The following COL6A6 variants were observed in gnomAD, a reference collection of about 807,000 sequenced individuals.
COL6A6 encodes collagen type VI alpha 6 chain.
COL6A6 carries 183 observed loss-of-function variants against 208.6 expected under a neutral mutation model. The observed-to-expected ratio is 0.88, with a 90% CI of 0.78 to 0.99. The LOEUF is 0.99. Among genes scored for constraint, COL6A6 ranks in the 50% least tolerant of loss-of-function variants. COL6A6 has a pLI of 0.00. For missense variants in COL6A6, 2,816 were observed against 2,815.2 expected, an observed-to-expected ratio of 1.00 and a Z score of -0.01; for synonymous variants, 973 against 1,011.8, an observed-to-expected ratio of 0.96 and a Z score of 0.73.
intron 28 of COL6A6, among the ~76,000 whole-genome samples, chr3:130,636,007 C>T (rs1043462338): frequency 3.9e-5 from 6 of 152,226 alleles, no homozygotes; most frequent in Non-Finnish European, 8.8e-5. Context: ...ATACTTAACA[C>T]TGGTAATAAG....
rs1328541644 is a variant in COL6A6, at chr3:130,676,685, T to C, written c.*1288T>C. The C allele has an allele frequency of 6.6e-6, 1 of 152,248 alleles. No individual in the cohort carries two copies. The highest frequency in any genetic ancestry group is 1.5e-5 in the Non-Finnish European group (1 of 68,040). 9.4% of individuals were successfully genotyped at this position (152,248 alleles called of 1,614,324 possible). ...ATTTGGAAAGAAAAACTATCTGCAGTATTTTTTTAAAACGACTTCTGCTAT... is the reference window on the plus strand; with the variant it reads ...ATTTGGAAAGAAAAACTATCTGCAGCATTTTTTTAAAACGACTTCTGCTAT... On this transcript the variant is annotated 3_prime_UTR_variant, in exon 37 of 37. Coordinates refer to ENST00000358511, the MANE Select transcript of COL6A6 (RefSeq NM_001102608.3).
At chr3:130,651,425 C>CAAAAAAA (rs35957602) in intron 33 of COL6A6, among the ~76,000 whole-genome samples, 5 of 61,022 alleles carry the variant, frequency 8.2e-5, no homozygotes, top group Admixed American at 3.4e-4. Flanking sequence ...GACTCCATCT[C>CAAAAAAA]AAAAAAAAAA....
At chr3:130,655,968 T>C (rs550959924) in intron 33 of COL6A6, among the ~76,000 whole-genome samples, 1 of 152,332 alleles carries the variant, frequency 6.6e-6, no homozygotes, top group East Asian at 1.9e-4. Flanking sequence ...GGCAGCTCCC[T>C]GCGAGGCTGT....
At position 130,574,478 on chromosome 3, in the gene COL6A6, T is replaced by A; in HGVS notation, c.3500T>A (p.Val1167Asp). The A allele has an allele frequency of 6.2e-7, 1 of 1,613,930 alleles. No individual in the cohort carries two copies. Among genetic ancestry groups the A allele is most frequent in the Non-Finnish European group, 8.5e-7 (1 of 1,179,882 alleles). ...CACAACTTCGATGAACTGAAGAAGG[T>A]CAATAAAAGGATCGTTCGCAACATC... ...TVHNFDELKK[V>D]NKRIVRNICT... The change falls in exon 8 of 37, where the codon GTC (valine) becomes GAC (aspartate). Residue 1167 changes from valine to aspartate, a missense_variant. By Grantham distance (152) the Val-to-Asp change is radical. Coordinates refer to ENST00000358511, the MANE Select transcript of COL6A6 (RefSeq NM_001102608.3).
intron 36 of COL6A6, among the ~76,000 whole-genome samples, chr3:130,668,143 A>G (rs973957355): frequency 6.6e-6 from 1 of 152,032 alleles, no homozygotes; most frequent in African/African-American, 2.4e-5. Flanking sequence ...CATGCCAGTT[A>G]CAATCAGAGA....
rs767525663 is a variant in COL6A6 at position 130,593,098 on chromosome 3, G to T, written c.4409G>T (p.Gly1470Val). The change falls in exon 16 of 37, where the codon GGA becomes GTA. Residue 1470 changes from glycine (G) to valine (V), a missense_variant. Transcript: ENST00000358511. The part of the protein sequence containing the change: ...VGENGIDGLN[G>V]EQGDNGLPGR... Reference sequence around the variant, plus strand: ...GAAAATGGAATTGACGGATTAAACGGAGAACAGGTAGAGCCTTCTTGTACC... The same window carrying T: ...GAAAATGGAATTGACGGATTAAACGTAGAACAGGTAGAGCCTTCTTGTACC... The T allele has an allele frequency of 6.2e-7, 1 of 1,613,562 alleles. No homozygotes were observed. Among genetic ancestry groups the T allele is most frequent in the Admixed American group, 1.7e-5 (1 of 60,014 alleles).
intron 23 of COL6A6, among the ~76,000 whole-genome samples, chr3:130,616,370 A>G (rs982321703): frequency 1.3e-5 from 2 of 152,158 alleles, no homozygotes; most frequent in Non-Finnish European, 2.9e-5. Flanking sequence ...TTTAACTGGC[A>G]TTCTGTATAA....
intron 1 of COL6A6, among the ~76,000 whole-genome samples, chr3:130,530,885 G>A (rs549633084): frequency 2.0e-5 from 3 of 152,166 alleles, no homozygotes; most frequent in East Asian, 3.9e-4. Context: ...GACTTAAGAT[G>A]GCAACATCAA....
intron 1 of COL6A6, among the ~76,000 whole-genome samples, chr3:130,529,331 A>G (rs2062031807): frequency 1.3e-5 from 2 of 152,014 alleles, no homozygotes; most frequent in African/African-American, 4.8e-5. Flanking sequence ...AATCTCTAGT[A>G]ACACACATCC....
At chr3:130,640,107 C>T (rs1255985035) in intron 28 of COL6A6, among the ~76,000 whole-genome samples, 2 of 152,178 alleles carry the variant, frequency 1.3e-5, no homozygotes, top group Non-Finnish European at 2.9e-5. Context: ...TTTGGAGATT[C>T]CTAAAATGAT....
At chr3:130,617,238 A>G (rs942817517) in intron 23 of COL6A6, among the ~76,000 whole-genome samples, 1 of 152,156 alleles carries the variant, frequency 6.6e-6, no homozygotes, top group Non-Finnish European at 1.5e-5. Context: ...ACAAGGATGA[A>G]TGAGGTATAG....
chr3:130,530,955 CAT>C, intron 1 of COL6A6, among the ~76,000 whole-genome samples: 1 of 152,030 alleles, frequency 6.6e-6, no homozygotes. Context: ...TGTCAACCCT[CAT>C]AATTACGTGA....
chr3:130,656,503 G>A (rs1217331298), intron 33 of COL6A6, among the ~76,000 whole-genome samples: 1 of 152,140 alleles, frequency 6.6e-6, no homozygotes, highest in Admixed American at 6.5e-5. Flanking sequence ...GGGTTTTTAT[G>A]GGTTTCAGAG....
intron 5 of COL6A6, 24 bp downstream of exon 5, chr3:130,567,286 T>C: frequency 1.3e-6 from 2 of 1,551,396 alleles, no homozygotes; most frequent in African/African-American, 1.4e-5. Flanking sequence ...TGGCTTTACC[T>C]ACTGACCTTC....
At chr3:130,599,713 A>T in intron 19 of COL6A6, 44 bp from the exon 20 acceptor site, 1 of 1,605,820 alleles carries the variant, frequency 6.2e-7, no homozygotes, top group Non-Finnish European at 8.5e-7. Context: ...AACTCTGTCA[A>T]TGCTGCATAA....
chr3:130,620,133 T>G (rs1246663542), intron 23 of COL6A6, among the ~76,000 whole-genome samples: 1 of 152,016 alleles, frequency 6.6e-6, no homozygotes, highest in South Asian at 2.1e-4. Context: ...TTTTTTGGCA[T>G]AGAGGCTTGC....
chr3:130,606,326 G>C (rs1211622316), intron 20 of COL6A6, among the ~76,000 whole-genome samples: 1 of 152,128 alleles, frequency 6.6e-6, no homozygotes, highest in Non-Finnish European at 1.5e-5. Flanking sequence ...CGATTATGTA[G>C]TATCATTTTG....
In COL6A6 at chr3:130,566,988, G is replaced by A. The variant is rs771149039; in HGVS notation, c.1569G>A (p.Leu523=). The A allele has an allele frequency of 3.1e-6, 5 of 1,614,040 alleles. No individual in the cohort carries two copies. The Admixed American group carries it at 8.3e-5, about 27-fold the overall frequency. Residue 523 remains leucine, a synonymous_variant, in exon 5 of 37, where the codon CTG becomes CTA. Coordinates refer to ENST00000358511, the MANE Select transcript of COL6A6 (RefSeq NM_001102608.3). The stretch of plus-strand genomic sequence containing the variant: ...CAGGCGCAGCACTGAATTTCACACT[G>A]AGTCTGTTGCAAAAAGCAAAGAAGC... ...TNTGAALNFT[L]SLLQKAKKQR... is the part of the protein sequence containing the mutation.
At chr3:130,583,527 C>G (rs1037381201) in intron 10 of COL6A6, among the ~76,000 whole-genome samples, 2 of 152,086 alleles carry the variant, frequency 1.3e-5, no homozygotes, top group Non-Finnish European at 2.9e-5. Context: ...CTTCCAATGC[C>G]TACTGAAAAA....
Sources: gnomAD v4.1 joint callset for allele counts (sites outside exome capture counted in the v4.1 genomes callset) on GRCh38, gnomAD v4.1.1 for gene constraint, MANE v1.5 for transcripts, NCBI Gene and HGNC (gene_info 2026-07-23, HGNC 2026-07-21) for gene names.